The following CEP85L variants were observed in gnomAD, a reference collection of about 807,000 sequenced individuals.
CEP85L encodes the protein centrosomal protein of 85 kDa-like.
Under a neutral mutation model 100.3 loss-of-function variants are expected in CEP85L, and 60 were observed. The observed-to-expected ratio is 0.60, with a 90% CI of 0.49 to 0.74. The LOEUF is 0.74. Among genes scored for constraint, CEP85L ranks in the 30% least tolerant of loss-of-function variants. The probability of loss-of-function intolerance (pLI) is 0.00; values close to 1 mark genes in which losing one functional copy is unlikely to be tolerated. For missense variants in CEP85L, 973 were observed against 936.2 expected (o/e 1.04, Z -0.51); for synonymous variants, 319 against 322.7 (o/e 0.99, Z 0.12).
In CEP85L at chr6:118,566,007, T is replaced by C. The variant is rs764317568; in HGVS notation, c.542A>G (p.Asn181Ser). 9 of 1,614,190 alleles carry C rather than the reference T, an allele frequency of 5.6e-6. No homozygotes were observed. Among genetic ancestry groups the C allele is most frequent in the East Asian group, 4.5e-5 (2 of 44,894 alleles). Residue 181 changes from asparagine to serine, a missense_variant, in exon 3 of 13, where the codon AAT (asparagine) becomes AGT (serine). By Grantham distance (46) the Asn-to-Ser change is conservative. Around this residue, in one of 3 missense-constraint regions of CEP85L, gnomAD observed 890 missense variants for 844.5 expected, o/e 1.05. Coordinates refer to ENST00000368491, the MANE Select transcript of CEP85L (RefSeq NM_001042475.3). ...AGCCTTCCCTATCTTCTCCAAACCA[T>C]TCCTTGACTCTTCTCTGCATACAGT... is the stretch of plus-strand genomic sequence containing the variant. ...GGTVCREESRNGLEKIGKAKA... is the reference protein window; with the variant it reads ...GGTVCREESRSGLEKIGKAKA...
At chr6:118,629,068 T>C (rs183515378) in intron 2 of CEP85L, among the ~76,000 whole-genome samples, 92 of 152,258 alleles carry the variant, frequency 6.0e-4, no homozygotes, top group African/African-American at 2.0e-3. Flanking sequence ...AAAAACAATA[T>C]AGTATGGCAA....
At chr6:118,641,192 CTTCTCTCTTAA>C in intron 1 of CEP85L, among the ~76,000 whole-genome samples, 1 of 152,308 alleles carries the variant, frequency 6.6e-6, no homozygotes, top group Admixed American at 6.5e-5. Flanking sequence ...CTGTCACCAG[CTTCTCTCTTAA>C]TATCTTACTA....
chr6:118,647,125 C>A, intron 1 of CEP85L: 2 of 917,674 alleles, frequency 2.2e-6, no homozygotes, highest in Non-Finnish European at 2.6e-6. Context: ...CCATCTAATT[C>A]AGAACCACAG....
intron 3 of CEP85L, among the ~76,000 whole-genome samples, chr6:118,536,268 A>G (rs569663275): frequency 6.6e-6 from 1 of 152,326 alleles, no homozygotes; most frequent in South Asian, 2.1e-4. Context: ...AATAATGGTA[A>G]GTCAGAACAG....
At chr6:118,476,281 G>A (rs924833638) in intron 10 of CEP85L, among the ~76,000 whole-genome samples, 1 of 150,258 alleles carries the variant, frequency 6.7e-6, no homozygotes, top group African/African-American at 2.4e-5. Flanking sequence ...TACAGTGTGT[G>A]CGTTTTTTTT....
rs138807412 is a variant in CEP85L, at chr6:118,632,844, G to A, written c.74-233C>T. 7.7e-3 allele frequency among the ~76,000 whole-genome samples: 1,177 copies of A among 152,122 alleles called. 15 individuals are homozygous for A. The highest frequency in any genetic ancestry group is 0.044 in the Middle Eastern group (13 of 294). ...CTGAAGAACTCTGTTTTCTGCTTCC[G>A]GGCATTAAACTTTTAAAGACGTACT... On this transcript the variant is annotated intron_variant, in intron 1 of 12. Transcript: ENST00000368491.
At chr6:118,709,789 G>C (rs984761045) in intron 1 of CEP85L, among the ~76,000 whole-genome samples, 4 of 152,078 alleles carry the variant, frequency 2.6e-5, no homozygotes, top group Non-Finnish European at 5.9e-5. Flanking sequence ...CCCCCTGACA[G>C]GGCTGCTTAT....
chr6:118,644,452 A>G (rs1346465943), intron 1 of CEP85L, among the ~76,000 whole-genome samples: 1 of 147,516 alleles, frequency 6.8e-6, no homozygotes, highest in Non-Finnish European at 1.5e-5. Flanking sequence ...TCACCCAGCA[A>G]CCTCCCTACT....
chr6:118,487,102 T>A, intron 6 of CEP85L, among the ~76,000 whole-genome samples: 2 of 150,282 alleles, frequency 1.3e-5, no homozygotes, highest in African/African-American at 4.9e-5. Flanking sequence ...AAAGGAGGAG[T>A]AGAAGGGAAA....
At chr6:118,466,887 T>A (rs1772563946) in intron 12 of CEP85L, among the ~76,000 whole-genome samples, 1 of 151,934 alleles carries the variant, frequency 6.6e-6, no homozygotes, top group Non-Finnish European at 1.5e-5. Context: ...AAGGCAATAG[T>A]GCAATGGAGA....
At chr6:118,614,651 C>A (rs1230462905) in intron 2 of CEP85L, among the ~76,000 whole-genome samples, 1 of 152,144 alleles carries the variant, frequency 6.6e-6, no homozygotes, top group Non-Finnish European at 1.5e-5. Flanking sequence ...CAAGGACAGC[C>A]TGACCAACAT....
chr6:118,660,512 T>C (rs1225249966), intron 1 of CEP85L, among the ~76,000 whole-genome samples: 3 of 152,180 alleles, frequency 2.0e-5, no homozygotes, highest in African/African-American at 7.2e-5. Flanking sequence ...TCCTACTTAC[T>C]TGAACACTAT....
At chr6:118,656,074 T>G (rs1400139377), upstream of CEP85L, among the ~76,000 whole-genome samples, 2 of 152,194 alleles carry the variant, frequency 1.3e-5, no homozygotes, top group African/African-American at 4.8e-5. Context: ...GATTTCTGTA[T>G]AGTGTTAGGG....
intron 2 of CEP85L, among the ~76,000 whole-genome samples, chr6:118,616,082 G>A (rs931409928): frequency 1.3e-5 from 2 of 151,602 alleles, no homozygotes; most frequent in Non-Finnish European, 2.9e-5. Context: ...AACTCAAAAT[G>A]GATCACAAAT....
At position 118,701,773 on chromosome 6, in the gene CEP85L, T is replaced by C. The variant is rs191120312; in HGVS notation, c.-28+8263A>G. On this transcript the variant is annotated intron_variant, in intron 1 of 13. Coordinates refer to the CEP85L transcript ENST00000368488. ...GCACACATACCCCCAAATCTAAAATTAAAGTTGGAAAAAAAACAAAGAAGA... is the reference window on the plus strand; with the variant it reads ...GCACACATACCCCCAAATCTAAAATCAAAGTTGGAAAAAAAACAAAGAAGA... 1.5e-3 allele frequency among the ~76,000 whole-genome samples: 228 copies of C among 151,388 alleles called. 1 individual carries two copies. Among genetic ancestry groups the C allele is most frequent in the Non-Finnish European group, 2.3e-3 (157 of 67,834 alleles).
rs68047463 is a variant in CEP85L, at chr6:118,567,209, ATGTGTGTGTGTGTGTG to A, written c.233-909_233-894del. 4.4e-3 allele frequency among the ~76,000 whole-genome samples: 391 copies of A among 89,536 alleles called. 7 individuals are homozygous for A. The highest frequency in any genetic ancestry group is 0.025 in the Middle Eastern group (4 of 162). 58.7% of individuals were successfully genotyped at this position (89,536 alleles called of 152,430 possible). A position where few individuals can be genotyped will look rare whatever the true frequency, so the allele number is the denominator to read the frequency against. ...TACATATATGTATGAATATATATGTATGTGTGTGTGTGTGTGTGTGTGTGTGTGTGTGTGTGTGTGT... is the reference window on the plus strand; with the variant it reads ...TACATATATGTATGAATATATATGTATGTGTGTGTGTGTGTGTGTGTGTGT... On this transcript the variant is annotated intron_variant, in intron 2 of 12. Transcript: ENST00000368491.
At chr6:118,555,923 T>TA (rs1366119250) in intron 3 of CEP85L, among the ~76,000 whole-genome samples, 1 of 152,176 alleles carries the variant, frequency 6.6e-6, no homozygotes, top group Non-Finnish European at 1.5e-5. Flanking sequence ...TTTCCTATGT[T>TA]AGTTTGCTAG....
At chr6:118,685,026 G>A (rs1438386319) in intron 1 of CEP85L, among the ~76,000 whole-genome samples, 3 of 151,944 alleles carry the variant, frequency 2.0e-5, no homozygotes, top group South Asian at 4.1e-4. Context: ...GAACCCTGAC[G>A]GTAAAGACTA....
At chr6:118,503,067 C>T (rs2114673947) in intron 5 of CEP85L, among the ~76,000 whole-genome samples, 1 of 152,270 alleles carries the variant, frequency 6.6e-6, no homozygotes, top group South Asian at 2.1e-4. Flanking sequence ...AAACAAAAAA[C>T]ACCTTCCTGG....
Sources: allele counts gnomAD v4.1 joint callset (sites outside exome capture counted in the v4.1 genomes callset), GRCh38; gene constraint gnomAD v4.1.1; regional missense constraint gnomAD v4.1.1; transcripts MANE v1.5; gene names NCBI Gene and HGNC (gene_info 2026-07-23, HGNC 2026-07-21).